Variants in DUSP13B observed in about 807,000 individuals in gnomAD.
DUSP13B encodes the protein dual specificity protein phosphatase 13B.
chr10:75,096,033 T>A, the DUSP13B span, among the ~76,000 whole-genome samples: 2 of 152,174 alleles, frequency 1.3e-5, no homozygotes, highest in Non-Finnish European at 2.9e-5. Flanking sequence ...GGTGGGCAGA[T>A]CACTTGAGGT....
chr10:75,105,580 T>C, the DUSP13B span: 2 of 1,329,624 alleles, frequency 1.5e-6, no homozygotes, highest in South Asian at 1.3e-5. Flanking sequence ...CCTGGAAGAA[T>C]CCAATCCTAT....
chr10:75,102,513 T>G, the DUSP13B span, among the ~76,000 whole-genome samples: 1 of 152,184 alleles, frequency 6.6e-6, no homozygotes, highest in African/African-American at 2.4e-5. Context: ...TAAACCATTT[T>G]AAAAGGTCCC....
chr10:75,100,010 C>G, the DUSP13B span, among the ~76,000 whole-genome samples: 1 of 152,132 alleles, frequency 6.6e-6, no homozygotes, highest in Non-Finnish European at 1.5e-5. Flanking sequence ...CCACACTGGT[C>G]TGGAGCCATC....
chr10:75,099,346 G>C, the DUSP13B span: 3 of 1,232,086 alleles, frequency 2.4e-6, no homozygotes, highest in Admixed American at 1.3e-4. Context: ...GGAGGCTGTC[G>C]GGCAAGGCGG....
chr10:75,100,501 G>C, the DUSP13B span, among the ~76,000 whole-genome samples: 3 of 152,160 alleles, frequency 2.0e-5, no homozygotes, highest in Admixed American at 2.0e-4. Flanking sequence ...GCCGGTTTCT[G>C]ACACCTGAGA....
the DUSP13B span, among the ~76,000 whole-genome samples, chr10:75,100,900 G>A: frequency 1.3e-5 from 2 of 152,248 alleles, no homozygotes; most frequent in Non-Finnish European, 2.9e-5. Flanking sequence ...AAGACATCGG[G>A]CAGAGGCACA....
chr10:75,097,942 G>C, the DUSP13B span: 5 of 1,473,886 alleles, frequency 3.4e-6, no homozygotes, highest in Non-Finnish European at 4.5e-6. Flanking sequence ...GGTGGATCCA[G>C]CTGATGGGGA....
the DUSP13B span, among the ~76,000 whole-genome samples, chr10:75,102,496 G>A: frequency 6.6e-6 from 1 of 152,178 alleles, no homozygotes; most frequent in African/African-American, 2.4e-5. Context: ...GGAGAAGGAA[G>A]ATCAAATAAA....
At chr10:75,099,379 C>T in the DUSP13B span, 2 of 1,232,334 alleles carry the variant, frequency 1.6e-6, no homozygotes, top group Non-Finnish European at 2.0e-6. Context: ...AGCTGTCCTC[C>T]TCATCCCCCA....
At chr10:75,106,110 T>C in the DUSP13B span, among the ~76,000 whole-genome samples, 20 of 150,554 alleles carry the variant, frequency 1.3e-4, no homozygotes, top group East Asian at 7.7e-4. Flanking sequence ...TCTTTTTTTT[T>C]TTTTTTTTTT....
chr10:75,099,752 GGGA>G, the DUSP13B span: 1 of 246,018 alleles, frequency 4.1e-6, no homozygotes, highest in Non-Finnish European at 7.6e-6. Context: ...TTCTGAGGCA[GGGA>G]GGAGAGCCTG....
the DUSP13B span, chr10:75,103,881 A>T: frequency 7.7e-7 from 1 of 1,299,550 alleles, no homozygotes; most frequent in Non-Finnish European, 1.0e-6. Context: ...CTGAGAGGGG[A>T]GCCCACTCCC....
At chr10:75,096,576 CAAAAAAAAAA>C in the DUSP13B span, among the ~76,000 whole-genome samples, 1 of 80,840 alleles carries the variant, frequency 1.2e-5, no homozygotes, top group Non-Finnish European at 2.5e-5. Flanking sequence ...GACCCCGCCT[CAAAAAAAAAA>C]AAAAAAAGAA....
the DUSP13B span, chr10:75,108,100 T>C: frequency 1.2e-6 from 2 of 1,613,866 alleles, no homozygotes; most frequent in African/African-American, 1.3e-5. Context: ...TAGCTCACAC[T>C]GCTGCCGTAG....
chr10:75,107,542 C>T, the DUSP13B span, among the ~76,000 whole-genome samples: 4 of 152,046 alleles, frequency 2.6e-5, no homozygotes, highest in East Asian at 3.9e-4. Flanking sequence ...GGGAAGGAAT[C>T]GGGTTCGACA....
chr10:75,099,167 G>A, the DUSP13B span: 58 of 1,231,492 alleles, frequency 4.7e-5, no homozygotes, highest in South Asian at 1.2e-4. Flanking sequence ...GCCTGGTGCC[G>A]TGTTGGAGAG....
At chr10:75,101,867 C>T in the DUSP13B span, 8 of 1,366,564 alleles carry the variant, frequency 5.9e-6, no homozygotes, top group Non-Finnish European at 7.8e-6. Flanking sequence ...ACTCACCCAC[C>T]TGTGGGAGTA....
the DUSP13B span, among the ~76,000 whole-genome samples, chr10:75,100,582 G>T: frequency 6.6e-6 from 1 of 152,114 alleles, no homozygotes; most frequent in Non-Finnish European, 1.5e-5. Flanking sequence ...TGAAGCACAG[G>T]CCCAACGTCC....
chr10:75,094,983 G>A, the DUSP13B span: 1 of 1,015,436 alleles, frequency 9.8e-7, no homozygotes, highest in Non-Finnish European at 1.5e-6. Context: ...CTGGAATACT[G>A]ACACTGTCTA....
Sources: allele counts gnomAD v4.1 joint callset (sites outside exome capture counted in the v4.1 genomes callset), GRCh38; gene constraint gnomAD v4.1.1; transcripts MANE v1.5; gene names NCBI Gene and HGNC (gene_info 2026-07-23, HGNC 2026-07-21).